NXN: variants seen among roughly 807,000 people sequenced by gnomAD.
The protein encoded by NXN is nucleoredoxin.
A neutral mutation model predicts 48.6 loss-of-function variants in NXN; 16 were observed. That is an observed-to-expected ratio of 0.33 (90% CI 0.22 to 0.50). The LOEUF is 0.50. NXN is among the 20% of genes least tolerant of loss of function. NXN has a pLI of 0.98. For synonymous variants in NXN, 281 were observed against 269.6 expected (o/e 1.04, Z -0.41); for missense variants, 492 against 605.5 (o/e 0.81, Z 1.97).
intron 1 of NXN, among the ~76,000 whole-genome samples, chr17:873,667 C>G (rs1407851488): frequency 6.6e-6 from 1 of 152,050 alleles, no homozygotes; most frequent in Non-Finnish European, 1.5e-5. Flanking sequence ...AAGTGAAGTT[C>G]TGGAAGCTTT....
chr17:936,682 C>T (rs16956902), intron 1 of NXN, among the ~76,000 whole-genome samples: 1,631 of 150,520 alleles, frequency 0.011, 36 homozygotes, highest in African/African-American at 0.037. Flanking sequence ...CTGGCTAAAA[C>T]GGGGCATCAG....
chr17:813,351 C>A (rs1003461129), intron 5 of NXN, among the ~76,000 whole-genome samples: 1 of 152,212 alleles, frequency 6.6e-6, no homozygotes, highest in Non-Finnish European at 1.5e-5. Flanking sequence ...ACCAGTGAAA[C>A]CAGGGACTGA....
chr17:966,555 C>T (rs2069306403), intron 1 of NXN, among the ~76,000 whole-genome samples: 1 of 152,052 alleles, frequency 6.6e-6, no homozygotes, highest in African/African-American at 2.4e-5. Flanking sequence ...CCATGTTGGT[C>T]AGGCTGGTCT....
chr17:897,139 C>T (rs918420514), intron 1 of NXN: 3 of 787,586 alleles, frequency 3.8e-6, no homozygotes, highest in African/African-American at 3.8e-5. Context: ...AAGAAAACTA[C>T]GTTCAGCTCC....
intron 1 of NXN, among the ~76,000 whole-genome samples, chr17:963,240 C>CACACACACA (rs1567522095): frequency 2.7e-5 from 4 of 147,870 alleles, no homozygotes; most frequent in African/African-American, 7.9e-5. Flanking sequence ...CACACACACA[C>CACACACACA]CCCTTTCATT....
intron 1 of NXN, among the ~76,000 whole-genome samples, chr17:890,266 G>A (rs1226308477): frequency 6.6e-6 from 1 of 152,112 alleles, no homozygotes; most frequent in Non-Finnish European, 1.5e-5. Flanking sequence ...GCAGGTGGGA[G>A]ATAATTAAAG....
chr17:979,012 C>T (rs904501321), intron 1 of NXN, among the ~76,000 whole-genome samples: 2 of 149,332 alleles, frequency 1.3e-5, no homozygotes, highest in African/African-American at 5.0e-5. Flanking sequence ...AGCCGGGATC[C>T]CGGGGGCCGA....
chr17:955,712 C>A (rs761053566), intron 1 of NXN, among the ~76,000 whole-genome samples: 6 of 150,934 alleles, frequency 4.0e-5, no homozygotes, highest in Non-Finnish European at 5.9e-5. Flanking sequence ...CTGGCTAACA[C>A]GGTGAAACCC....
At chr17:900,309 T>C (rs1390568825) in intron 1 of NXN, among the ~76,000 whole-genome samples, 1 of 151,922 alleles carries the variant, frequency 6.6e-6, no homozygotes, top group Non-Finnish European at 1.5e-5. Context: ...TCTGAAGATA[T>C]AGCCAAAAAG....
At chr17:934,302 C>A (rs144723383) in intron 1 of NXN, among the ~76,000 whole-genome samples, 1 of 151,592 alleles carries the variant, frequency 6.6e-6, no homozygotes, top group African/African-American at 2.4e-5. Context: ...AAAAATTAGC[C>A]GGGCGTGGTG....
rs567781666 is a variant in NXN, at chr17:947,810, A to G, written c.360+31509T>C. Among the ~76,000 whole-genome samples the G allele has an allele frequency of 2.3e-4, 33 of 146,346 alleles. No individual in the cohort carries two copies. In the East Asian group the frequency reaches 6.3e-3, roughly 28 times the overall value. ...CCTAGCACTTTGGGAGGCCGAGGCG[A>G]GCTGACTGTCTTGAGCTCAGGAGTT... On this transcript the variant is annotated intron_variant, in intron 1 of 7. Transcript: ENST00000336868.
chr17:813,213 G>C (rs1366961284), intron 5 of NXN, among the ~76,000 whole-genome samples: 2 of 152,248 alleles, frequency 1.3e-5, no homozygotes, highest in Non-Finnish European at 2.9e-5. Context: ...TTCCTTCAGA[G>C]GTATTTCGGC....
intron 1 of NXN, among the ~76,000 whole-genome samples, chr17:894,667 A>T (rs974264359): frequency 5.9e-5 from 9 of 152,136 alleles, no homozygotes; most frequent in Non-Finnish European, 1.3e-4. Flanking sequence ...AGCCAGAGGA[A>T]GCATCTCAAT....
intron 1 of NXN, among the ~76,000 whole-genome samples, chr17:870,951 C>A (rs920458701): frequency 6.6e-6 from 1 of 151,988 alleles, no homozygotes; most frequent in Non-Finnish European, 1.5e-5. Context: ...CTCCGCCTCC[C>A]GGGTTCACAC....
intron 1 of NXN, among the ~76,000 whole-genome samples, chr17:874,973 C>A (rs1025341050): frequency 2.0e-5 from 3 of 152,104 alleles, no homozygotes; most frequent in Middle Eastern, 3.4e-3. Context: ...CACCATTTAC[C>A]ATTGGTGAAG....
chr17:925,078 T>C (rs1486274902), intron 1 of NXN, among the ~76,000 whole-genome samples: 2 of 152,228 alleles, frequency 1.3e-5, no homozygotes, highest in African/African-American at 2.4e-5. Context: ...TCTGCATCTC[T>C]TGTTCAAAGC....
At chr17:872,613 CTTTT>C (rs34081114) in intron 1 of NXN, among the ~76,000 whole-genome samples, 8 of 75,414 alleles carry the variant, frequency 1.1e-4, no homozygotes, top group East Asian at 4.1e-4. Context: ...CGGGTGAGAT[CTTTT>C]TTTTTTTTTT....
chr17:840,686 T>C (rs1914117003), intron 1 of NXN, among the ~76,000 whole-genome samples: 1 of 152,192 alleles, frequency 6.6e-6, no homozygotes, highest in African/African-American at 2.4e-5. Flanking sequence ...ACCGGCGAGA[T>C]ACTCTTTTAC....
chr17:886,185 G>T (rs901016460), intron 1 of NXN, among the ~76,000 whole-genome samples: 1 of 152,020 alleles, frequency 6.6e-6, no homozygotes, highest in Non-Finnish European at 1.5e-5. Flanking sequence ...CAGCTCCCAG[G>T]TCCCCAGTGT....
Sources: gnomAD v4.1 joint callset for allele counts (sites outside exome capture counted in the v4.1 genomes callset) on GRCh38, gnomAD v4.1.1 for gene constraint, MANE v1.5 for transcripts, NCBI Gene and HGNC (gene_info 2026-07-23, HGNC 2026-07-21) for gene names.